The following AFF3 variants were observed in gnomAD, a reference collection of about 807,000 sequenced individuals.
The protein encoded by AFF3 is AF4/FMR2 family member 3.
Under a neutral mutation model 129.7 loss-of-function variants are expected in AFF3, and 32 were observed. The observed-to-expected ratio is 0.25, with a 90% CI of 0.19 to 0.33. The LOEUF (loss-of-function observed/expected upper bound fraction) is 0.33, where lower values mean the gene tolerates loss of function less well. Ranked by LOEUF, AFF3 falls within the 10% of genes least tolerant of loss-of-function variation. AFF3 has a pLI of 1.00. For missense variants in AFF3, 1,373 were observed against 1,592.0 expected, an observed-to-expected ratio of 0.86 and a Z score of 2.34; for synonymous variants, 644 against 635.4, an observed-to-expected ratio of 1.01 and a Z score of -0.20.
chr2:99,943,915 ATTT>A (rs113352017), intron 7 of AFF3, among the ~76,000 whole-genome samples: 3 of 147,548 alleles, frequency 2.0e-5, no homozygotes, highest in African/African-American at 5.0e-5. Context: ...CTGTATTCCA[ATTT>A]TTTTTTTTTT....
At chr2:99,915,976 A>G (rs1695448303) in intron 7 of AFF3, among the ~76,000 whole-genome samples, 1 of 152,212 alleles carries the variant, frequency 6.6e-6, no homozygotes, top group Non-Finnish European at 1.5e-5. Flanking sequence ...TCAAAAATGT[A>G]AAGTTTCTGA....
At chr2:99,781,339 C>T (rs1684390716) in intron 8 of AFF3, among the ~76,000 whole-genome samples, 1 of 152,214 alleles carries the variant, frequency 6.6e-6, no homozygotes, top group Admixed American at 6.5e-5. Flanking sequence ...TTCTTCTTAG[C>T]ACTTATCACT....
At chr2:99,923,556 T>A (rs1576356377) in intron 7 of AFF3, among the ~76,000 whole-genome samples, 1 of 152,188 alleles carries the variant, frequency 6.6e-6, no homozygotes, top group Non-Finnish European at 1.5e-5. Context: ...ATGATCAGGA[T>A]CCTCTGACGT....
At chr2:99,961,970 A>T (rs1470350335) in intron 7 of AFF3, among the ~76,000 whole-genome samples, 1 of 151,950 alleles carries the variant, frequency 6.6e-6, no homozygotes, top group African/African-American at 2.4e-5. Flanking sequence ...TCTCCTTCCC[A>T]ACTCAGACCA....
chr2:99,843,657 C>T (rs1386084257), intron 7 of AFF3, among the ~76,000 whole-genome samples: 1 of 152,140 alleles, frequency 6.6e-6, no homozygotes, highest in African/African-American at 2.4e-5. Flanking sequence ...TTTATATCAG[C>T]TTACAGAGTG....
At chr2:100,111,913 T>C (rs1358280137) in intron 2 of AFF3, among the ~76,000 whole-genome samples, 2 of 152,142 alleles carry the variant, frequency 1.3e-5, no homozygotes, top group Non-Finnish European at 2.9e-5. Flanking sequence ...ATGTTTCCAG[T>C]GGTGGGGAGT....
At position 99,982,283 on chromosome 2, in the gene AFF3, G is replaced by A. The variant is rs13390786; in HGVS notation, c.873+24349C>T. Among the ~76,000 whole-genome samples, 1,295 of 152,244 alleles carry A rather than the reference G, an allele frequency of 8.5e-3. 16 individuals are homozygous for A. Among genetic ancestry groups the A allele is most frequent in the African/African-American group, 0.03 (1,232 of 41,534 alleles). ...TTTCCCGTGCCGTTCTCGTGATAGT[G>A]CATGGGTCTCACGAGATCTGATGGT... On this transcript the variant is annotated intron_variant, in intron 7 of 24. Transcript: ENST00000672756.
At chr2:99,839,642 C>T (rs1483181418) in intron 7 of AFF3, among the ~76,000 whole-genome samples, 7 of 147,796 alleles carry the variant, frequency 4.7e-5, no homozygotes, top group South Asian at 4.3e-4. Flanking sequence ...GACGGAGCCT[C>T]GCTCTGTCAC....
intron 13 of AFF3, among the ~76,000 whole-genome samples, chr2:99,628,960 G>A (rs920201588): frequency 1.3e-5 from 2 of 152,072 alleles, no homozygotes; most frequent in African/African-American, 2.4e-5. Flanking sequence ...GACCTCAGGT[G>A]ATCTACCTGC....
chr2:99,977,568 A>C (rs562719944), intron 7 of AFF3, among the ~76,000 whole-genome samples: 2 of 152,354 alleles, frequency 1.3e-5, no homozygotes, highest in South Asian at 4.1e-4. Flanking sequence ...GAAAGCTAAT[A>C]GCCCAGCTCT....
At chr2:99,573,413 A>AG (rs1214894861) in intron 18 of AFF3, among the ~76,000 whole-genome samples, 1 of 152,198 alleles carries the variant, frequency 6.6e-6, no homozygotes, top group Non-Finnish European at 1.5e-5. Flanking sequence ...ACAAAAAGGT[A>AG]GGGTCCCTGC....
At chr2:100,027,468 T>C (rs756760955) in intron 4 of AFF3, among the ~76,000 whole-genome samples, 9 of 152,196 alleles carry the variant, frequency 5.9e-5, no homozygotes, top group Non-Finnish European at 1.2e-4. Context: ...TCTAGAACTT[T>C]TTAATTTATA....
chr2:100,060,749 C>A (rs72819169), intron 4 of AFF3, among the ~76,000 whole-genome samples: 2 of 152,126 alleles, frequency 1.3e-5, no homozygotes, highest in African/African-American at 4.8e-5. Context: ...GACATTACTA[C>A]GTACATCTGT....
intron 11 of AFF3, among the ~76,000 whole-genome samples, chr2:99,712,310 T>C (rs1677968184): frequency 1.3e-5 from 2 of 152,336 alleles, no homozygotes; most frequent in African/African-American, 4.8e-5. Flanking sequence ...AAGGCCTGTG[T>C]AGGAAGACAC....
At chr2:99,946,473 T>TAAAAAAAAAAAA (rs55672296) in intron 7 of AFF3, among the ~76,000 whole-genome samples, 19 of 50,502 alleles carry the variant, frequency 3.8e-4, no homozygotes, top group African/African-American at 4.5e-4. Context: ...GACGCCATCT[T>TAAAAAAAAAAAA]AAAAAAAAAA....
At chr2:100,023,335 A>G (rs17352745) in intron 4 of AFF3, among the ~76,000 whole-genome samples, 15,240 of 152,246 alleles carry the variant, frequency 0.1, 1,075 homozygotes, top group Non-Finnish European at 0.14. Flanking sequence ...AGATCAAGCT[A>G]GCTTTTACCA....
chr2:100,065,662 A>G (rs1687665432), intron 4 of AFF3, among the ~76,000 whole-genome samples: 1 of 152,228 alleles, frequency 6.6e-6, no homozygotes, highest in Non-Finnish European at 1.5e-5. Context: ...GACAGAGGGA[A>G]ACAGAACCCT....
intron 7 of AFF3, among the ~76,000 whole-genome samples, chr2:99,878,986 G>T (rs1692496388): frequency 6.6e-6 from 1 of 152,126 alleles, no homozygotes. Flanking sequence ...GGTAACTTCA[G>T]AGAGAAGATG....
At chr2:100,000,196 G>A (rs1681249695) in intron 7 of AFF3, among the ~76,000 whole-genome samples, 1 of 152,136 alleles carries the variant, frequency 6.6e-6, no homozygotes, top group Admixed American at 6.5e-5. Flanking sequence ...TGCTTACTAT[G>A]TGAACATTTT....
Sources: allele counts gnomAD v4.1 joint callset (sites outside exome capture counted in the v4.1 genomes callset), GRCh38; gene constraint gnomAD v4.1.1; transcripts MANE v1.5; gene names NCBI Gene and HGNC (gene_info 2026-07-23, HGNC 2026-07-21).